SLC7A14: variants seen among roughly 807,000 people sequenced by gnomAD.
The protein encoded by SLC7A14 is gamma-aminobutyric acid transporter SLC7A14.
Under a neutral mutation model 60.2 loss-of-function variants are expected in SLC7A14, and 37 were observed. That is an observed-to-expected ratio of 0.61 (90% CI 0.47 to 0.81). The LOEUF (loss-of-function observed/expected upper bound fraction) is 0.81, where lower values mean the gene tolerates loss of function less well. Among genes scored for constraint, SLC7A14 ranks in the 30% least tolerant of loss-of-function variants. The pLI, the probability that SLC7A14 is intolerant of heterozygous loss-of-function variation, is 0.00. For synonymous variants in SLC7A14, 399 were observed against 395.8 expected (o/e 1.01, Z -0.10); for missense variants, 886 against 982.7 (o/e 0.90, Z 1.32).
chr3:170,511,142 G>A (rs1182452440), intron 2 of SLC7A14, among the ~76,000 whole-genome samples: 13 of 152,168 alleles, frequency 8.5e-5, no homozygotes, highest in Admixed American at 2.0e-4. Context: ...AGTGGCTCAC[G>A]CTTGTAATCC....
rs756840741 is a variant in SLC7A14 at position 170,480,643 on chromosome 3, G to T, written c.1639C>A (p.Arg547=). Residue 547 remains arginine, a synonymous_variant, in exon 7 of 8, where the codon CGG becomes AGG. Transcript: ENST00000231706. The part of the protein sequence containing the change: ...IGPHYYTMRI[R]LGLPGKMDRP... ...TCCATTTTGCCTGGAAGGCCCAGCCGGATTCTCATGGTGTAATAATGAGGC... is the reference window on the plus strand; with the variant it reads ...TCCATTTTGCCTGGAAGGCCCAGCCTGATTCTCATGGTGTAATAATGAGGC... The T allele has an allele frequency of 1.2e-6, 2 of 1,614,214 alleles. No individual in the cohort carries two copies. The highest frequency in any genetic ancestry group is 2.2e-5 in the South Asian group (2 of 91,074).
At chr3:170,512,687 G>T (rs1480725317) in intron 2 of SLC7A14, among the ~76,000 whole-genome samples, 1 of 61,270 alleles carries the variant, frequency 1.6e-5, no homozygotes. Flanking sequence ...TTTTTGAGAC[G>T]GAGTCTCGCT....
chr3:170,540,730 C>T (rs1713996228), intron 1 of SLC7A14, among the ~76,000 whole-genome samples: 1 of 152,150 alleles, frequency 6.6e-6, no homozygotes, highest in African/African-American at 2.4e-5. Context: ...TCAATGCTAA[C>T]AGCCCTTGCT....
At chr3:170,481,447 G>A (rs974520531) in intron 6 of SLC7A14, among the ~76,000 whole-genome samples, 13 of 147,366 alleles carry the variant, frequency 8.8e-5, no homozygotes, top group African/African-American at 2.3e-4. Context: ...TGTCCCCCAG[G>A]CTGGAGTGCA....
intron 5 of SLC7A14, 85 bp from the exon 6 acceptor site, chr3:170,483,607 C>T (rs1711918659): frequency 1.4e-6 from 2 of 1,442,796 alleles, no homozygotes; most frequent in Non-Finnish European, 1.9e-6. Flanking sequence ...AAGAGCCCTG[C>T]CCCTGGAGGC....
Position 170,498,579 on chromosome 3 carries a change from G to C in SLC7A14, c.759+88C>G. 5 of 1,200,820 alleles carry C rather than the reference G, an allele frequency of 4.2e-6. No individual in the cohort carries two copies. In the South Asian group the frequency reaches 6.9e-5, roughly 17 times the overall value. 74.4% of individuals were successfully genotyped at this position (1,200,820 alleles called of 1,614,324 possible). ...GCTGTGGTAATTATGGAACAGAACAGCATTTTCTTGAAAATATGTCTTAGG... is the reference window on the plus strand; with the variant it reads ...GCTGTGGTAATTATGGAACAGAACACCATTTTCTTGAAAATATGTCTTAGG... On this transcript the variant is annotated intron_variant, in intron 4 of 7. Coordinates refer to ENST00000231706, the MANE Select transcript of SLC7A14 (RefSeq NM_020949.3).
At position 170,480,511 on chromosome 3, in the gene SLC7A14, A is replaced by G. The variant is rs762809148; in HGVS notation, c.1771T>C (p.Ser591Pro). The G allele has an allele frequency of 6.2e-7, 1 of 1,614,208 alleles. No individual in the cohort carries two copies. Among genetic ancestry groups the G allele is most frequent in the Non-Finnish European group, 8.5e-7 (1 of 1,180,046 alleles). Residue 591 changes from serine to proline, a missense_variant, in exon 7 of 8, where the codon TCA (serine) becomes CCA (proline). Physicochemically the swap from Ser to Pro is moderately conservative, Grantham distance 74. Transcript: ENST00000231706. ...SFIIFGSDYI[S>P]EQSWWAILLV... is the part of the protein sequence containing the mutation. ...AGGATGGCCCACCAGCTCTGCTCTG[A>G]GATGTAGTCAGAACCAAAGATGATG... is the stretch of plus-strand genomic sequence containing the variant.
intron 7 of SLC7A14, among the ~76,000 whole-genome samples, chr3:170,471,842 T>C (rs1739919706): frequency 6.6e-6 from 1 of 152,190 alleles, no homozygotes; most frequent in South Asian, 2.1e-4. Flanking sequence ...AATTCTGCTG[T>C]ACCTTAAAAG....
intron 2 of SLC7A14, among the ~76,000 whole-genome samples, chr3:170,525,826 G>A (rs1032449553): frequency 6.6e-6 from 1 of 152,098 alleles, no homozygotes; most frequent in Non-Finnish European, 1.5e-5. Flanking sequence ...CGGCCGAGGC[G>A]GGCGGATCAC....
chr3:170,483,469 G>A lies in SLC7A14; in HGVS notation c.960C>T (p.Ser320=), dbSNP rs1391684554. The A allele has an allele frequency of 6.2e-7, 1 of 1,614,172 alleles. No homozygotes were observed. The highest frequency in any genetic ancestry group is 1.3e-5 in the African/African-American group (1 of 75,026). The change falls in exon 6 of 8, where the codon TCC becomes TCT. Residue 320 remains serine (S), a synonymous_variant. Coordinates refer to ENST00000231706, the MANE Select transcript of SLC7A14 (RefSeq NM_020949.3). Reference sequence around the variant, plus strand: ...GAGCCACAAACATCTCCATGAGTGGGGATTCCGTGTCAATGGTATAATATG... The same window carrying A: ...GAGCCACAAACATCTCCATGAGTGGAGATTCCGTGTCAATGGTATAATATG... ...MVPYYTIDTE[S]PLMEMFVAHG...
Position 170,480,494 on chromosome 3 carries a change from C to T in SLC7A14, c.1788G>A (p.Trp596Ter). The change falls in exon 7 of 8, where the codon TGG (tryptophan) becomes TGA (stop). Residue 596 changes from tryptophan (W) to a stop codon, truncating the protein, a stop_gained. Transcript: ENST00000231706. LOFTEE classifies it high-confidence loss of function. ...CCATCAGAACAACCAGAAGGATGGC[C>T]CACCAGCTCTGCTCTGAGATGTAGT... is the stretch of plus-strand genomic sequence containing the variant. ...GSDYISEQSW[W>*]AILLVVLMVL... 6.2e-7 allele frequency: 1 copy of T among 1,614,084 alleles called. No individual in the cohort carries two copies.
intron 7 of SLC7A14, among the ~76,000 whole-genome samples, chr3:170,472,198 G>A (rs971373851): frequency 1.6e-4 from 24 of 147,290 alleles, no homozygotes; most frequent in Admixed American, 1.1e-3. Flanking sequence ...GTGAAACCCC[G>A]TCTACTAAAA....
Position 170,498,893 on chromosome 3 carries a change from G to A in SLC7A14, c.542-9C>T. ...TGATTCTTCACCTTTCCCTAGAGAG[G>A]AAAGACATGATTTGACATTGTCTGG... On this transcript the variant is annotated splice_polypyrimidine_tract_variant and intron_variant, in intron 3 of 7. Coordinates refer to ENST00000231706, the MANE Select transcript of SLC7A14 (RefSeq NM_020949.3). 6.2e-7 allele frequency: 1 copy of A among 1,613,656 alleles called. No individual in the cohort carries two copies. The highest frequency in any genetic ancestry group is 8.5e-7 in the Non-Finnish European group (1 of 1,179,654).
intron 2 of SLC7A14, among the ~76,000 whole-genome samples, chr3:170,520,241 T>C (rs538774975): frequency 1.3e-5 from 2 of 152,360 alleles, no homozygotes; most frequent in African/African-American, 4.8e-5. Context: ...ATCTGTAATA[T>C]GCAGTAAGTG....
intron 2 of SLC7A14, among the ~76,000 whole-genome samples, chr3:170,516,587 AAAAT>A (rs1274324549): frequency 2.0e-5 from 3 of 151,740 alleles, no homozygotes; most frequent in Non-Finnish European, 4.4e-5. Context: ...ACAATAAAAT[AAAAT>A]AAATAAATAA....
intron 1 of SLC7A14, among the ~76,000 whole-genome samples, chr3:170,553,069 C>T (rs1397777230): frequency 6.6e-6 from 1 of 152,120 alleles, no homozygotes; most frequent in East Asian, 1.9e-4. Context: ...TGTGCCCTGC[C>T]TTGAGCTCCC....
intron 1 of SLC7A14, among the ~76,000 whole-genome samples, chr3:170,547,347 C>T (rs984667678): frequency 1.4e-4 from 21 of 152,162 alleles, no homozygotes; most frequent in Non-Finnish European, 2.5e-4. Flanking sequence ...GGGGTGCCAA[C>T]CCCTGTGCAG....
chr3:170,558,268 T>C (rs911418927), intron 1 of SLC7A14, among the ~76,000 whole-genome samples: 6 of 152,164 alleles, frequency 3.9e-5, no homozygotes, highest in Non-Finnish European at 5.9e-5. Context: ...CTCAGGAGGC[T>C]GAGACAGGAG....
At chr3:170,544,007 C>G (rs1215968688) in intron 1 of SLC7A14, among the ~76,000 whole-genome samples, 1 of 152,026 alleles carries the variant, frequency 6.6e-6, no homozygotes, top group Non-Finnish European at 1.5e-5. Flanking sequence ...CTCAGTCCTG[C>G]AAAGTGCTGG....
Sources: gnomAD v4.1 joint callset for allele counts (sites outside exome capture counted in the v4.1 genomes callset) on GRCh38, gnomAD v4.1.1 for gene constraint, MANE v1.5 for transcripts, NCBI Gene and HGNC (gene_info 2026-07-23, HGNC 2026-07-21) for gene names.